NAV2: variants seen among roughly 807,000 people sequenced by gnomAD.
The protein encoded by NAV2 is helicase, APC down-regulated 1.
Under a neutral mutation model 223.2 loss-of-function variants are expected in NAV2, and 54 were observed. The observed-to-expected ratio is 0.24, with a 90% CI of 0.19 to 0.30. NAV2 has a LOEUF of 0.30. Ranked by LOEUF, NAV2 falls within the 10% of genes least tolerant of loss-of-function variation. The probability of loss-of-function intolerance (pLI) is 1.00; values close to 1 mark genes in which losing one functional copy is unlikely to be tolerated. For missense variants in NAV2, 2,806 were observed against 3,147.5 expected (o/e 0.89, Z 2.60); for synonymous variants, 1,279 against 1,239.3 (o/e 1.03, Z -0.67).
intron 1 of NAV2, among the ~76,000 whole-genome samples, chr11:19,583,780 A>G (rs1486450141): frequency 6.6e-6 from 1 of 152,172 alleles, no homozygotes; most frequent in Admixed American, 6.5e-5. Context: ...TCGGTTTGCC[A>G]GTATTTTACT....
chr11:20,080,019 G>A, intron 24 of NAV2, 45 bp from the exon 25 acceptor site: 1 of 1,605,006 alleles, frequency 6.2e-7, no homozygotes, highest in Non-Finnish European at 8.5e-7. Flanking sequence ...ATAAAGAATA[G>A]GGCTCAGGTT....
At chr11:19,566,202 C>G (rs11820785) in intron 1 of NAV2, among the ~76,000 whole-genome samples, 2 of 152,028 alleles carry the variant, frequency 1.3e-5, no homozygotes, top group South Asian at 4.2e-4. Context: ...TTCTGAGTAG[C>G]TGGGACTACA....
intron 1 of NAV2, among the ~76,000 whole-genome samples, chr11:19,360,552 GA>G (rs1196902912): frequency 6.6e-6 from 1 of 152,220 alleles, no homozygotes; most frequent in Non-Finnish European, 1.5e-5. Context: ...AGTCCATAGA[GA>G]TAGATCAGCC....
At chr11:19,677,351 G>A (rs1056526488) in intron 1 of NAV2, among the ~76,000 whole-genome samples, 5 of 152,338 alleles carry the variant, frequency 3.3e-5, no homozygotes, top group Middle Eastern at 3.4e-3. Context: ...CCCTGGCTGC[G>A]GGAAGAAAGG....
intron 1 of NAV2, among the ~76,000 whole-genome samples, chr11:19,399,148 G>A (rs1756854708): frequency 6.6e-6 from 1 of 152,168 alleles, no homozygotes; most frequent in Admixed American, 6.5e-5. Context: ...ACGAGAAAGT[G>A]GATATTAAGA....
rs184874173 is a variant in NAV2 at position 19,736,969 on chromosome 11, C to T, written c.267+23007C>T. ...CATTAATATGCCAGCCCCATTTTGGCGGGCCGGTCTCACACAATCTCATGA... is the reference window on the plus strand; with the variant it reads ...CATTAATATGCCAGCCCCATTTTGGTGGGCCGGTCTCACACAATCTCATGA... On this transcript the variant is annotated intron_variant, in intron 1 of 37. Coordinates refer to ENST00000349880, the MANE Select transcript of NAV2 (RefSeq NM_145117.5). 3.0e-3 allele frequency among the ~76,000 whole-genome samples: 457 copies of T among 152,334 alleles called. 3 individuals are homozygous for T. The highest frequency in any genetic ancestry group is 0.01 in the African/African-American group (431 of 41,584).
chr11:19,844,515 A>T (rs943293066), intron 3 of NAV2, among the ~76,000 whole-genome samples: 2 of 152,184 alleles, frequency 1.3e-5, no homozygotes, highest in Middle Eastern at 3.2e-3. Context: ...GAATATTTAC[A>T]TTATACTTAC....
exon 1 of NAV2, chr11:19,350,990 G>A: frequency 6.4e-7 from 1 of 1,551,750 alleles, no homozygotes; most frequent in Non-Finnish European, 8.7e-7. Flanking sequence ...CAGCAGAAGA[G>A]AAAGCCAGTT....
chr11:19,563,730 G>A (rs981494412), intron 1 of NAV2, among the ~76,000 whole-genome samples: 46 of 152,296 alleles, frequency 3.0e-4, no homozygotes, highest in African/African-American at 8.4e-4. Flanking sequence ...GGAAGATCTG[G>A]AGTTAAGCTT....
At chr11:19,958,709 C>T (rs796989955) in intron 10 of NAV2, among the ~76,000 whole-genome samples, 28 of 152,344 alleles carry the variant, frequency 1.8e-4, no homozygotes, top group African/African-American at 6.5e-4. Context: ...CCACCACTGT[C>T]ACTACCAGCA....
At chr11:19,728,279 G>A (rs1216248922) in intron 1 of NAV2, among the ~76,000 whole-genome samples, 1 of 152,222 alleles carries the variant, frequency 6.6e-6, no homozygotes, top group East Asian at 1.9e-4. Context: ...CATTTAGCAA[G>A]CTTCATGACT....
At chr11:20,096,260 G>A (rs2061257715) in intron 30 of NAV2, among the ~76,000 whole-genome samples, 1 of 151,408 alleles carries the variant, frequency 6.6e-6, no homozygotes. Flanking sequence ...CCAGGCTCAA[G>A]GATGTTGCCA....
At chr11:20,085,936 C>T (rs891342853) in intron 26 of NAV2, among the ~76,000 whole-genome samples, 27 of 152,168 alleles carry the variant, frequency 1.8e-4, no homozygotes, top group African/African-American at 6.5e-4. Context: ...CTTTGGTGAA[C>T]ACATAGCAGC....
chr11:19,799,106 G>GA (rs371702346), intron 1 of NAV2, among the ~76,000 whole-genome samples: 85 of 152,278 alleles, frequency 5.6e-4, no homozygotes, highest in African/African-American at 2.0e-3. Context: ...AGTCCTAACA[G>GA]AAGAGTGGCA....
At chr11:19,619,368 T>C (rs1688989057) in intron 1 of NAV2, among the ~76,000 whole-genome samples, 1 of 152,140 alleles carries the variant, frequency 6.6e-6, no homozygotes, top group African/African-American at 2.4e-5. Context: ...TAGTTTACAG[T>C]CCCACCAACA....
intron 3 of NAV2, among the ~76,000 whole-genome samples, chr11:19,851,884 C>T (rs2061159001): frequency 6.8e-6 from 1 of 147,516 alleles, no homozygotes; most frequent in South Asian, 2.5e-4. Flanking sequence ...AATGTGATTA[C>T]AAGCATTCTT....
intron 8 of NAV2, among the ~76,000 whole-genome samples, chr11:19,944,709 C>T (rs1298441598): frequency 5.1e-5 from 6 of 117,146 alleles, no homozygotes; most frequent in African/African-American, 1.9e-4. Flanking sequence ...TCCTTCTTTC[C>T]TTCCTTCCTT....
intron 4 of NAV2, among the ~76,000 whole-genome samples, chr11:19,875,700 T>G (rs2062796134): frequency 6.6e-6 from 1 of 152,190 alleles, no homozygotes; most frequent in Non-Finnish European, 1.5e-5. Context: ...AATCTAGAAT[T>G]TGCTAAATTT....
chr11:19,508,310 C>T (rs2043181310), intron 1 of NAV2, among the ~76,000 whole-genome samples: 1 of 152,154 alleles, frequency 6.6e-6, no homozygotes, highest in Non-Finnish European at 1.5e-5. Context: ...ACTATCCACT[C>T]TAATGGCCCT....
Sources: gnomAD v4.1 joint callset for allele counts (sites outside exome capture counted in the v4.1 genomes callset) on GRCh38, gnomAD v4.1.1 for gene constraint, MANE v1.5 for transcripts, NCBI Gene and HGNC (gene_info 2026-07-23, HGNC 2026-07-21) for gene names.